Variants in SUZ12 observed in about 807,000 individuals in gnomAD.
The protein encoded by SUZ12 is SUZ12 polycomb repressive complex 2 subunit, also known as polycomb protein SUZ12.
SUZ12 carries 17 observed loss-of-function variants against 87.3 expected under a neutral mutation model. That is an observed-to-expected ratio of 0.19 (90% confidence interval 0.13 to 0.29). The LOEUF (loss-of-function observed/expected upper bound fraction) is 0.29, where lower values mean the gene tolerates loss of function less well. SUZ12 is among the 10% of genes least tolerant of loss of function. The pLI is 1.00. For missense variants in SUZ12, 526 were observed against 912.2 expected (o/e 0.58, Z 5.45); for synonymous variants, 253 against 312.4 (o/e 0.81, Z 2.01).
chr17:31,993,665 G>C (rs1909833602), intron 11 of SUZ12, among the ~76,000 whole-genome samples, 200 bp from the exon 12 acceptor site: 1 of 152,056 alleles, frequency 6.6e-6, no homozygotes, highest in South Asian at 2.1e-4. Context: ...ACATTTGACA[G>C]TGTCTGCCTT....
intron 5 of SUZ12, 136 bp downstream of exon 5, chr17:31,966,332 C>T (rs1908085412): frequency 1.2e-6 from 1 of 801,744 alleles, no homozygotes; most frequent in South Asian, 1.7e-5. Context: ...TGTTTTTGAA[C>T]TTTAAGGTAT....
chr17:31,951,514 G>C (rs1335951888), intron 4 of SUZ12, among the ~76,000 whole-genome samples: 1 of 145,098 alleles, frequency 6.9e-6, no homozygotes, highest in Non-Finnish European at 1.5e-5. Flanking sequence ...ACGGAGTCTC[G>C]CTCTGTCACC....
At chr17:31,984,865 G>C (rs1255611509) in intron 9 of SUZ12, among the ~76,000 whole-genome samples, 1 of 152,134 alleles carries the variant, frequency 6.6e-6, no homozygotes, top group Non-Finnish European at 1.5e-5. Context: ...TGATGTAACA[G>C]TAAGTTGGGG....
At chr17:31,974,210 G>GA (rs545505979) in intron 6 of SUZ12, among the ~76,000 whole-genome samples, 64 of 144,592 alleles carry the variant, frequency 4.4e-4, no homozygotes, top group East Asian at 8.0e-4. Context: ...ACTGTCTCAA[G>GA]AAAAAAAAAA....
chr17:31,980,436 T>C (rs1196897830), intron 8 of SUZ12, among the ~76,000 whole-genome samples: 1 of 44,098 alleles, frequency 2.3e-5, no homozygotes, highest in Non-Finnish European at 5.0e-5. Flanking sequence ...CTCCTTTTTT[T>C]TTTTTTTTTT....
At chr17:31,943,530 T>TA (rs563167172) in intron 3 of SUZ12, among the ~76,000 whole-genome samples, 26 of 152,254 alleles carry the variant, frequency 1.7e-4, no homozygotes, top group African/African-American at 6.0e-4. Context: ...GGTTCAGAGT[T>TA]AGTGTTTTCT....
At chr17:31,979,126 GAATT>G (rs61022239) in intron 8 of SUZ12, among the ~76,000 whole-genome samples, 10,027 of 106,824 alleles carry the variant, frequency 0.094, 499 homozygotes, top group South Asian at 0.18. Context: ...AAAAAAAAAA[GAATT>G]CAAAACGATA....
At chr17:31,984,727 C>T (rs1353985830) in intron 9 of SUZ12, among the ~76,000 whole-genome samples, 1 of 152,184 alleles carries the variant, frequency 6.6e-6, no homozygotes, top group African/African-American at 2.4e-5. Context: ...TAAAGCAGTA[C>T]TCAACCTTAT....
In SUZ12 at chr17:31,940,320, G is replaced by A; in HGVS notation, c.309G>A (p.Arg103=). 1 of 1,613,264 alleles carries A rather than the reference G, an allele frequency of 6.2e-7. No homozygotes were observed. Among genetic ancestry groups the A allele is most frequent in the Admixed American group, 1.7e-5 (1 of 59,968 alleles). Residue 103 remains arginine, a synonymous_variant, in exon 2 of 16, where the codon CGG becomes CGA. Coordinates refer to ENST00000322652, the MANE Select transcript of SUZ12 (RefSeq NM_015355.4). ...PTQIYRFLRT[R]NLIAPIFLHR... ...AGATCTATAGATTTCTTCGAACTCG[G>A]AATCTCATAGCAGTAAGTAGTCAAC...
In SUZ12 at chr17:31,980,261, T is replaced by G. The variant is rs1468985296; in HGVS notation, c.918-2738T>G. Among the ~76,000 whole-genome samples, 4 of 151,982 alleles carry G rather than the reference T, an allele frequency of 2.6e-5. No individual in the cohort carries two copies. The East Asian group carries it at 7.7e-4, about 29-fold the overall frequency. On this transcript the variant is annotated intron_variant, in intron 8 of 15. Transcript: ENST00000322652. ...TTAAAATCAGTATGGATTAACAAATTCTATTTATTCAATTAGTTTTAATCT... is the reference window on the plus strand; with the variant it reads ...TTAAAATCAGTATGGATTAACAAATGCTATTTATTCAATTAGTTTTAATCT...
At position 31,937,416 on chromosome 17, in the gene SUZ12, C is replaced by T. The variant is rs1159062569; in HGVS notation, c.170C>T (p.Ser57Phe). 5 of 1,542,884 alleles carry T rather than the reference C, an allele frequency of 3.2e-6. No homozygotes were observed. Among genetic ancestry groups the T allele is most frequent in the African/African-American group, 1.4e-5 (1 of 72,258 alleles). The change falls in exon 1 of 16, where the codon TCC (serine) becomes TTC (phenylalanine). Residue 57 changes from serine to phenylalanine, a missense_variant. This residue lies in a region of SUZ12 where 92 missense variants were observed against 109.9 expected (regional missense o/e 0.84). Transcript: ENST00000322652. ...GGGGSYSASS[S>F]SSAAAAAGAA... is the part of the protein sequence containing the mutation. ...GGTGGCAGTTACTCGGCCTCCTCCTCCTCCTCCGCGGCGGCAGCGGCGGGG... is the reference window on the plus strand; with the variant it reads ...GGTGGCAGTTACTCGGCCTCCTCCTTCTCCTCCGCGGCGGCAGCGGCGGGG...
intron 8 of SUZ12, among the ~76,000 whole-genome samples, chr17:31,981,538 G>A (rs1909103653): frequency 6.6e-6 from 1 of 152,190 alleles, no homozygotes; most frequent in South Asian, 2.1e-4. Context: ...ACGTATCTAT[G>A]TAAAAGCATA....
chr17:31,997,842 A>G (rs1910062081), intron 15 of SUZ12, among the ~76,000 whole-genome samples: 1 of 152,048 alleles, frequency 6.6e-6, no homozygotes, highest in Non-Finnish European at 1.5e-5. Context: ...ATTTTTAACC[A>G]TTGGTTAATT....
intron 10 of SUZ12, among the ~76,000 whole-genome samples, chr17:31,990,784 C>G (rs1909680379): frequency 6.6e-6 from 1 of 152,010 alleles, no homozygotes; most frequent in East Asian, 1.9e-4. Context: ...GTTTCTCTCT[C>G]TCACCCTGGC....
intron 8 of SUZ12, among the ~76,000 whole-genome samples, chr17:31,980,841 C>G (rs973977862): frequency 1.3e-5 from 2 of 152,028 alleles, no homozygotes; most frequent in African/African-American, 2.4e-5. Context: ...AAGCCAAAAT[C>G]TGCATGTTAG....
At chr17:31,986,644 C>T (rs1253785916) in intron 9 of SUZ12, among the ~76,000 whole-genome samples, 4 of 152,060 alleles carry the variant, frequency 2.6e-5, no homozygotes, top group African/African-American at 4.8e-5. Context: ...CTCTGCCTTT[C>T]GAGTTCAAGC....
Position 32,000,717 on chromosome 17 carries a change from A to G in SUZ12, c.*1714A>G. ...TCATTTCTTAAGCAGTTATGCTCTT[A>G]ATGCTTAAAAGAAGGCTAGCATTGT... On this transcript the variant is annotated 3_prime_UTR_variant, in exon 16 of 16. Coordinates refer to ENST00000322652, the MANE Select transcript of SUZ12 (RefSeq NM_015355.4). 4.3e-6 allele frequency: 1 copy of G among 231,846 alleles called. No individual in the cohort carries two copies. Among genetic ancestry groups the G allele is most frequent in the Non-Finnish European group, 8.5e-6 (1 of 117,042 alleles). The allele number at this position is 231,846 out of a possible 1,614,324, so 14.4% of individuals were successfully genotyped here. A position where few individuals can be genotyped will look rare whatever the true frequency, so the allele number is the denominator to read the frequency against.
chr17:31,987,025 A>G (rs1298359839), intron 9 of SUZ12, among the ~76,000 whole-genome samples: 3 of 152,170 alleles, frequency 2.0e-5, no homozygotes, highest in Non-Finnish European at 2.9e-5. Flanking sequence ...TCTAGTAGTA[A>G]GGCAATACTG....
chr17:31,974,475 C>T (rs1908624723), intron 6 of SUZ12, among the ~76,000 whole-genome samples: 1 of 152,104 alleles, frequency 6.6e-6, no homozygotes, highest in Admixed American at 6.6e-5. Context: ...TGCAGCGAGC[C>T]GAGATCGCAC....
Sources: allele counts gnomAD v4.1 joint callset (sites outside exome capture counted in the v4.1 genomes callset), GRCh38; gene constraint gnomAD v4.1.1; regional missense constraint gnomAD v4.1.1; transcripts MANE v1.5; gene names NCBI Gene and HGNC (gene_info 2026-07-23, HGNC 2026-07-21).